Variants in DIP2C observed in about 807,000 individuals in gnomAD.
The protein encoded by DIP2C is disco-interacting protein 2 homolog C.
In DIP2C, 33 loss-of-function variants were observed where a neutral mutation model predicts 192.4. That is an observed-to-expected ratio of 0.17 (90% CI 0.13 to 0.23). DIP2C has a LOEUF of 0.23. DIP2C is among the 10% of genes least tolerant of loss of function. The probability of loss-of-function intolerance (pLI) is 1.00; values close to 1 mark genes in which losing one functional copy is unlikely to be tolerated. For missense variants in DIP2C, 1,537 were observed against 2,110.1 expected, an observed-to-expected ratio of 0.73 and a Z score of 5.32; for synonymous variants, 979 against 864.1, an observed-to-expected ratio of 1.13 and a Z score of -2.33.
At chr10:408,484 C>A (rs996850169) in intron 9 of DIP2C, among the ~76,000 whole-genome samples, 5 of 152,246 alleles carry the variant, frequency 3.3e-5, no homozygotes, top group African/African-American at 1.2e-4. Context: ...AACATGCCCA[C>A]AGCAGACTCA....
At chr10:485,313 C>T (rs567334067) in intron 2 of DIP2C, among the ~76,000 whole-genome samples, 6 of 152,314 alleles carry the variant, frequency 3.9e-5, no homozygotes, top group East Asian at 3.9e-4. Context: ...CATGGCTCTG[C>T]GAGAAGAGAA....
intron 1 of DIP2C, among the ~76,000 whole-genome samples, chr10:624,674 G>A (rs1349801371): frequency 4.6e-5 from 7 of 152,182 alleles, no homozygotes; most frequent in Non-Finnish European, 8.8e-5. Flanking sequence ...TCTGACCTGA[G>A]GCAGCCCCCT....
intron 3 of DIP2C, among the ~76,000 whole-genome samples, chr10:457,746 G>C (rs376068688): frequency 7.0e-5 from 10 of 143,272 alleles, no homozygotes; most frequent in African/African-American, 2.4e-4. Context: ...TGTAGAGATG[G>C]GCTCTGACTT....
chr10:414,882 GTGTGTGTGTATA>G lies in DIP2C; in HGVS notation c.860-784_860-773del, dbSNP rs1453447429. Among the ~76,000 whole-genome samples the G allele has an allele frequency of 1.0e-3, 65 of 63,388 alleles. 1 individual carries two copies. Among genetic ancestry groups the G allele is most frequent in the South Asian group, 6.3e-3 (8 of 1,260 alleles). 41.6% of individuals were successfully genotyped at this position (63,388 alleles called of 152,430 possible). On this transcript the variant is annotated intron_variant, in intron 7 of 36. Coordinates refer to ENST00000280886, the MANE Select transcript of DIP2C (RefSeq NM_014974.3). ...TGTGTGTGTGTGTGTGTGTGTGTGT[GTGTGTGTGTATA>G]TATATATATATATTTTTTTTTTTTT...
chr10:417,710 AAATAGGCCTCCCTGTCTG>A (rs1564684943), intron 6 of DIP2C, among the ~76,000 whole-genome samples: 60 of 79,054 alleles, frequency 7.6e-4, no homozygotes, highest in East Asian at 1.1e-3. Flanking sequence ...CTGTCGGCTC[AAATAGGCCTCCCTGTCTG>A]CCTGCGCCTG....
intron 3 of DIP2C, among the ~76,000 whole-genome samples, chr10:463,393 C>T (rs1371133395): frequency 6.6e-6 from 1 of 152,112 alleles, no homozygotes; most frequent in Non-Finnish European, 1.5e-5. Context: ...CTCCCATTCA[C>T]AATTGCTACA....
In DIP2C at chr10:672,903, T is replaced by TA. The variant is rs546283505; in HGVS notation, c.85+16590dup. Among the ~76,000 whole-genome samples the TA allele has an allele frequency of 2.0e-3, 302 of 151,818 alleles. 1 individual carries two copies. Among genetic ancestry groups the TA allele is most frequent in the Non-Finnish European group, 3.5e-3 (240 of 67,906 alleles). On this transcript the variant is annotated intron_variant, in intron 1 of 36. Coordinates refer to ENST00000280886, the MANE Select transcript of DIP2C (RefSeq NM_014974.3). ...TTTCTTTTGTCATCCATGACACACA[T>TA]AAAAAAAAATTACATGTACAAAAAA...
At chr10:615,152 A>G (rs566996761) in intron 1 of DIP2C, among the ~76,000 whole-genome samples, 1 of 152,252 alleles carries the variant, frequency 6.6e-6, no homozygotes, top group Non-Finnish European at 1.5e-5. Context: ...CTTCTCGGAG[A>G]GAGACACAGG....
At chr10:485,886 A>G (rs1843979928) in intron 2 of DIP2C, among the ~76,000 whole-genome samples, 1 of 152,212 alleles carries the variant, frequency 6.6e-6, no homozygotes, top group African/African-American at 2.4e-5. Context: ...CCCATCTAAT[A>G]TGAGATTCTT....
intron 1 of DIP2C, among the ~76,000 whole-genome samples, chr10:579,412 T>G (rs557273191): frequency 2.0e-5 from 3 of 151,728 alleles, no homozygotes; most frequent in African/African-American, 7.3e-5. Flanking sequence ...CAGATCCATA[T>G]AGCGTATGTA....
intron 31 of DIP2C, among the ~76,000 whole-genome samples, chr10:321,591 CGA>C (rs1564551513): frequency 1.9e-4 from 21 of 110,270 alleles, no homozygotes; most frequent in African/African-American, 8.6e-4. Flanking sequence ...GGGGCTCCAG[CGA>C]GAGACCGGCG....
At chr10:528,268 C>T (rs1339053976) in intron 1 of DIP2C, among the ~76,000 whole-genome samples, 3 of 152,046 alleles carry the variant, frequency 2.0e-5, no homozygotes, top group Non-Finnish European at 4.4e-5. Context: ...GCAGTGGCAC[C>T]GTCACGCACA....
Position 439,405 on chromosome 10 carries a change from C to T in DIP2C, c.394+1466G>A, listed in dbSNP as rs150579228. On this transcript the variant is annotated intron_variant, in intron 4 of 36. Coordinates refer to ENST00000280886, the MANE Select transcript of DIP2C (RefSeq NM_014974.3). ...CACTGTGTTCTTTAGACGAAGATCA[C>T]GCATGTGTAAATGAAAAACAACAAC... Among the ~76,000 whole-genome samples the T allele has an allele frequency of 3.5e-4, 54 of 152,294 alleles. No homozygotes were observed. In the East Asian group the frequency reaches 8.7e-3, roughly 25 times the overall value.
rs115690657 is a variant in DIP2C, at chr10:297,735, T to C, written c.3987-9314A>G. Among the ~76,000 whole-genome samples the C allele has an allele frequency of 2.7e-3, 407 of 152,260 alleles. 1 individual carries two copies. The highest frequency in any genetic ancestry group is 9.2e-3 in the African/African-American group (384 of 41,564). ...TCACAGCTGGCTGGGAAGAATACGT[T>C]CCAGTGTTCTGTACCACCGCAGGAT... On this transcript the variant is annotated intron_variant, in intron 32 of 36. Transcript: ENST00000280886.
In DIP2C at chr10:534,831, C is replaced by T. The variant is rs546129034; in HGVS notation, c.86-48301G>A. Among the ~76,000 whole-genome samples the T allele has an allele frequency of 1.5e-4, 23 of 151,944 alleles. No individual in the cohort carries two copies. In the South Asian group the frequency reaches 3.8e-3, roughly 25 times the overall value. ...AGCTGGGACTACAGGCGCCTGCCAC[C>T]GCGCCCGGCTAATTTTTTGTATTTT... On this transcript the variant is annotated intron_variant, in intron 1 of 36. Transcript: ENST00000280886.
Position 419,193 on chromosome 10 carries a change from T to A in DIP2C, c.611A>T (p.His204Leu). Residue 204 changes from histidine to leucine, a missense_variant, in exon 6 of 37, where the codon CAT (histidine) becomes CTT (leucine). Coordinates refer to ENST00000280886, the MANE Select transcript of DIP2C (RefSeq NM_014974.3). ...CGTGGTTACGTCAGGAGGTGCAGAA[T>A]GATTTTCTGTAAAGAAACACATCAT... is the stretch of plus-strand genomic sequence containing the variant. ...DVMAQTHIEN[H>L]SAPPDVTTYT... The A allele has an allele frequency of 6.2e-7, 1 of 1,614,218 alleles. No homozygotes were observed. The highest frequency in any genetic ancestry group is 8.5e-7 in the Non-Finnish European group (1 of 1,180,042).
At chr10:494,701 T>C (rs574164090) in intron 1 of DIP2C, among the ~76,000 whole-genome samples, 6 of 152,298 alleles carry the variant, frequency 3.9e-5, no homozygotes, top group African/African-American at 1.2e-4. Flanking sequence ...CCTGTGCCCA[T>C]GTCAGGGGAA....
chr10:464,144 T>C (rs550737887), intron 3 of DIP2C, among the ~76,000 whole-genome samples: 5 of 152,072 alleles, frequency 3.3e-5, no homozygotes, highest in African/African-American at 1.2e-4. Flanking sequence ...AATTGACAAA[T>C]GGCATCTAAT....
chr10:305,898 T>C (rs540625439), intron 32 of DIP2C, among the ~76,000 whole-genome samples: 103 of 151,948 alleles, frequency 6.8e-4, no homozygotes, highest in African/African-American at 2.5e-3. Flanking sequence ...TCTCCTGCCT[T>C]GGCCTCCCAA....
Sources: gnomAD v4.1 joint callset for allele counts (sites outside exome capture counted in the v4.1 genomes callset) on GRCh38, gnomAD v4.1.1 for gene constraint, MANE v1.5 for transcripts, NCBI Gene and HGNC (gene_info 2026-07-23, HGNC 2026-07-21) for gene names.